Variants in LRRC4C observed in about 807,000 individuals in gnomAD.
LRRC4C encodes leucine rich repeat containing 4C, also known as leucine-rich repeat-containing protein 4C.
In LRRC4C, 5 loss-of-function variants were observed where a neutral mutation model predicts 33.6. That is an observed-to-expected ratio of 0.15 (90% CI 0.08 to 0.31). The LOEUF is 0.31. Ranked by LOEUF, LRRC4C falls within the 10% of genes least tolerant of loss-of-function variation. The pLI is 1.00. For missense variants in LRRC4C, 560 were observed against 796.7 expected, an observed-to-expected ratio of 0.70 and a Z score of 3.58; for synonymous variants, 329 against 302.0, an observed-to-expected ratio of 1.09 and a Z score of -0.93.
intron 4 of LRRC4C, among the ~76,000 whole-genome samples, chr11:40,287,910 A>T (rs983129736): frequency 6.6e-6 from 1 of 152,216 alleles, no homozygotes; most frequent in African/African-American, 2.4e-5. Context: ...TCTTGTCTAT[A>T]TATTTCTTCT....
intron 2 of LRRC4C, among the ~76,000 whole-genome samples, chr11:40,715,719 C>G (rs748718802): frequency 6.6e-6 from 1 of 152,056 alleles, no homozygotes; most frequent in Non-Finnish European, 1.5e-5. Flanking sequence ...AAACTTCTAT[C>G]GAATTAAAAA....
At chr11:41,367,193 G>A (rs1314293514) in intron 1 of LRRC4C, among the ~76,000 whole-genome samples, 1 of 152,094 alleles carries the variant, frequency 6.6e-6, no homozygotes, top group Admixed American at 6.6e-5. Flanking sequence ...CATAGTCAAT[G>A]GACTGACTTT....
intron 2 of LRRC4C, among the ~76,000 whole-genome samples, chr11:40,819,530 T>C (rs1951838637): frequency 6.6e-6 from 1 of 152,214 alleles, no homozygotes; most frequent in African/African-American, 2.4e-5. Flanking sequence ...TAGTAGAAAT[T>C]ACAATGGATT....
At chr11:41,267,308 C>A (rs1266534838) in intron 1 of LRRC4C, among the ~76,000 whole-genome samples, 1 of 152,096 alleles carries the variant, frequency 6.6e-6, no homozygotes, top group African/African-American at 2.4e-5. Flanking sequence ...CCCTTCCCTG[C>A]TACCACTTAG....
chr11:41,213,970 A>C (rs761456452), intron 1 of LRRC4C, among the ~76,000 whole-genome samples: 12 of 152,158 alleles, frequency 7.9e-5, no homozygotes, highest in Non-Finnish European at 1.6e-4. Context: ...ATCTCATTAT[A>C]ATATCCTTTA....
At chr11:40,984,356 G>GAAA (rs1438385586) in intron 1 of LRRC4C, among the ~76,000 whole-genome samples, 1 of 84,508 alleles carries the variant, frequency 1.2e-5, no homozygotes, top group Non-Finnish European at 2.6e-5. Context: ...GAAAGAGAAA[G>GAAA]AAAGAAAAAA....
intron 3 of LRRC4C, among the ~76,000 whole-genome samples, chr11:40,443,903 T>A (rs1266998273): frequency 6.6e-6 from 1 of 152,214 alleles, no homozygotes; most frequent in Non-Finnish European, 1.5e-5. Flanking sequence ...TGTTGATTTT[T>A]AAAGAACATG....
intron 4 of LRRC4C, among the ~76,000 whole-genome samples, chr11:40,317,185 G>GT (rs200264699): frequency 0.19 from 27,817 of 143,648 alleles, 3,062 homozygotes; most frequent in Admixed American, 0.34. Context: ...AGGGTATTTT[G>GT]TTTTTTTTTT....
intron 5 of LRRC4C, among the ~76,000 whole-genome samples, chr11:40,152,090 GCTC>G (rs940166596): frequency 6.6e-6 from 1 of 152,070 alleles, no homozygotes; most frequent in Non-Finnish European, 1.5e-5. Flanking sequence ...GAAATGGACT[GCTC>G]CTGCAGGACT....
chr11:40,871,003 C>T (rs915663777), intron 2 of LRRC4C, among the ~76,000 whole-genome samples: 1 of 152,098 alleles, frequency 6.6e-6, no homozygotes. Flanking sequence ...ATGGCCACTT[C>T]GGCGGGGCGG....
chr11:41,102,892 T>G (rs1941277807), intron 1 of LRRC4C, among the ~76,000 whole-genome samples: 1 of 151,966 alleles, frequency 6.6e-6, no homozygotes, highest in South Asian at 2.1e-4. Flanking sequence ...TAATACTTTT[T>G]TAAGTATGTG....
intron 1 of LRRC4C, among the ~76,000 whole-genome samples, chr11:41,321,702 A>G (rs1473734075): frequency 6.6e-6 from 1 of 152,186 alleles, no homozygotes; most frequent in African/African-American, 2.4e-5. Context: ...GAAGAAAGTT[A>G]GGCCTAGAGA....
chr11:40,668,050 A>G (rs1281287878), intron 2 of LRRC4C, among the ~76,000 whole-genome samples: 2 of 152,202 alleles, frequency 1.3e-5, no homozygotes, highest in South Asian at 2.1e-4. Context: ...AACATAGGTC[A>G]GGCCCCCACT....
At chr11:40,319,313 T>C (rs1486204614) in intron 4 of LRRC4C, among the ~76,000 whole-genome samples, 1 of 152,134 alleles carries the variant, frequency 6.6e-6, no homozygotes, top group Non-Finnish European at 1.5e-5. Context: ...TGAAGGAAGA[T>C]ACACTCAGGT....
At chr11:41,207,938 T>G (rs560151192) in intron 1 of LRRC4C, among the ~76,000 whole-genome samples, 1 of 152,056 alleles carries the variant, frequency 6.6e-6, no homozygotes, top group African/African-American at 2.4e-5. Context: ...TGGGAGAAAT[T>G]TGAAGTCCAG....
At chr11:41,266,418 C>T (rs961265900) in intron 1 of LRRC4C, among the ~76,000 whole-genome samples, 2 of 151,958 alleles carry the variant, frequency 1.3e-5, no homozygotes, top group African/African-American at 2.4e-5. Context: ...AAGGTAAACC[C>T]AACAGAATTT....
At chr11:40,735,193 G>T (rs923372172) in intron 2 of LRRC4C, among the ~76,000 whole-genome samples, 7 of 151,920 alleles carry the variant, frequency 4.6e-5, no homozygotes, top group Middle Eastern at 3.4e-3. Context: ...TAAGTTTTAG[G>T]GTACATGTGC....
chr11:40,737,192 A>G (rs1222355018), intron 2 of LRRC4C, among the ~76,000 whole-genome samples: 1 of 152,138 alleles, frequency 6.6e-6, no homozygotes, highest in South Asian at 2.1e-4. Flanking sequence ...ACAACTCTCA[A>G]TAAACTAGGT....
chr11:40,139,168 A>C (rs1382961181), intron 6 of LRRC4C, among the ~76,000 whole-genome samples: 1 of 152,102 alleles, frequency 6.6e-6, no homozygotes, highest in Non-Finnish European at 1.5e-5. Context: ...GGGTTAAAGG[A>C]AGAAAAGAAG....
Sources: gnomAD v4.1 joint callset for allele counts (sites outside exome capture counted in the v4.1 genomes callset) on GRCh38, gnomAD v4.1.1 for gene constraint, MANE v1.5 for transcripts, NCBI Gene and HGNC (gene_info 2026-07-23, HGNC 2026-07-21) for gene names.